The following MID1 variants were observed in gnomAD, a reference collection of about 807,000 sequenced individuals.
MID1 encodes E3 ubiquitin-protein ligase Midline-1.
Under a neutral mutation model 40.4 loss-of-function variants are expected in MID1, and 7 were observed. The observed-to-expected ratio is 0.17, with a 90% CI of 0.10 to 0.33. The LOEUF (loss-of-function observed/expected upper bound fraction) is 0.33. Ranked by LOEUF, MID1 falls within the 10% of genes least tolerant of loss-of-function variation. The pLI is 1.00. For missense variants in MID1, 367 were observed against 558.5 expected (o/e 0.66, Z 3.46); for synonymous variants, 229 against 221.2 (o/e 1.04, Z -0.31).
At chrX:10,481,447 TA>T (rs1209758159) in intron 5 of MID1, among the ~76,000 whole-genome samples, 1 of 111,899 alleles carries the variant, frequency 8.9e-6, no homozygotes, top group Non-Finnish European at 1.9e-5. Context: ...TTCATTTATT[TA>T]TTTTTTTTGG....
At chrX:10,556,329 C>T (rs1275542793) in intron 2 of MID1, among the ~76,000 whole-genome samples, 4 of 111,354 alleles carry the variant, frequency 3.6e-5, no homozygotes, top group Admixed American at 9.6e-5. Flanking sequence ...TCCCCTCCAC[C>T]CCTGCCACCC....
intron 1 of MID1, among the ~76,000 whole-genome samples, chrX:10,660,019 G>T (rs909858997): frequency 8.9e-6 from 1 of 112,151 alleles, no homozygotes; most frequent in African/African-American, 3.2e-5. Context: ...AGTTTTCTGA[G>T]AATGTTCTTA....
At chrX:10,543,545 G>A (rs149394393) in intron 2 of MID1, among the ~76,000 whole-genome samples, 1,348 of 111,338 alleles carry the variant, frequency 0.012, 14 homozygotes, top group Middle Eastern at 0.041. Flanking sequence ...TTCTAGTGAT[G>A]GAGAGATGAA....
intron 7 of MID1, among the ~76,000 whole-genome samples, chrX:10,462,006 TA>T (rs1929072175): frequency 8.9e-6 from 1 of 111,827 alleles, no homozygotes. Context: ...TAACTTGGCC[TA>T]AAATCCAAAG....
In MID1 at chrX:10,567,271, C is replaced by A; in HGVS notation, c.277G>T (p.Gly93Trp). 8.3e-7 allele frequency: 1 copy of A among 1,204,422 alleles called. No homozygotes were observed. Among genetic ancestry groups the A allele is most frequent in the Non-Finnish European group, 1.1e-6 (1 of 890,874 alleles). Residue 93 changes from glycine (G) to tryptophan (W), a missense_variant, in exon 2 of 10, where the codon GGG (glycine) becomes TGG (tryptophan). By Grantham distance (184) the Gly-to-Trp change is radical. Around this residue, in one of 3 missense-constraint regions of MID1, gnomAD observed 78 missense variants for 112.6 expected, o/e 0.69. Transcript: ENST00000317552. ...CGGGTCTCGCTGGGAGAGTTGGGCC[C>A]GCTCACTGATGCTTTCTGGAACCTG... ...IDRFQKASVS[G>W]PNSPSETRRE...
At chrX:10,740,591 C>T (rs990519445) in intron 1 of MID1, among the ~76,000 whole-genome samples, 1 of 112,215 alleles carries the variant, frequency 8.9e-6, no homozygotes, top group African/African-American at 3.2e-5. Flanking sequence ...CATTTACTTG[C>T]AGTATGACTT....
At chrX:10,522,333 G>A (rs1932751343) in intron 3 of MID1, among the ~76,000 whole-genome samples, 1 of 112,100 alleles carries the variant, frequency 8.9e-6, no homozygotes, top group Non-Finnish European at 1.9e-5. Context: ...ACCAGAAAAT[G>A]GGAAGAGGCA....
At chrX:10,724,054 T>C (rs963156809) in intron 1 of MID1, among the ~76,000 whole-genome samples, 17 of 111,455 alleles carry the variant, frequency 1.5e-4, no homozygotes, top group Admixed American at 1.0e-3. Flanking sequence ...GGGAAACATC[T>C]GTTTATTGTT....
At chrX:10,634,115 T>G (rs141569577) in intron 1 of MID1, among the ~76,000 whole-genome samples, 2,907 of 111,111 alleles carry the variant, frequency 0.026, 48 homozygotes, top group African/African-American at 0.057. Context: ...GTAACAAATA[T>G]CCATGAAAGG....
intron 1 of MID1, among the ~76,000 whole-genome samples, chrX:10,662,150 C>T (rs1203145492): frequency 9.1e-6 from 1 of 110,398 alleles, no homozygotes; most frequent in Non-Finnish European, 1.9e-5. Flanking sequence ...ACTAAAAATA[C>T]AAAATTAGCT....
intron 4 of MID1, among the ~76,000 whole-genome samples, chrX:10,494,352 A>C (rs1931116052): frequency 8.9e-6 from 1 of 112,115 alleles, no homozygotes; most frequent in Non-Finnish European, 1.9e-5. Context: ...TTCACTTAAA[A>C]CTTGCTAGTA....
intron 1 of MID1, among the ~76,000 whole-genome samples, chrX:10,724,962 G>C (rs907719936): frequency 1.8e-5 from 2 of 112,143 alleles, no homozygotes; most frequent in African/African-American, 3.2e-5. Flanking sequence ...CAAGATGTCA[G>C]ATGAAACCTG....
At chrX:10,516,560 T>TTG (rs57101806) in intron 3 of MID1, among the ~76,000 whole-genome samples, 1,920 of 73,304 alleles carry the variant, frequency 0.026, 25 homozygotes, top group Middle Eastern at 0.058. Flanking sequence ...TACTCTGCTC[T>TTG]TGTGTGTGTG....
At chrX:10,755,937 C>T (rs999433474) in intron 1 of MID1, among the ~76,000 whole-genome samples, 3 of 111,845 alleles carry the variant, frequency 2.7e-5, no homozygotes, top group African/African-American at 6.5e-5. Context: ...TGTGCTTGCC[C>T]GCCCACATGC....
chrX:10,691,115 C>A (rs763281620), intron 1 of MID1, among the ~76,000 whole-genome samples: 1 of 112,231 alleles, frequency 8.9e-6, no homozygotes, highest in African/African-American at 3.2e-5. Context: ...GAGCCATATA[C>A]AGCATTTCAA....
chrX:10,686,913 ACT>A (rs1166305897), intron 1 of MID1, among the ~76,000 whole-genome samples: 1 of 110,966 alleles, frequency 9.0e-6, no homozygotes, highest in African/African-American at 3.3e-5. Flanking sequence ...GGGTGAAGTG[ACT>A]CTCTATAATT....
intron 4 of MID1, 74 bp from the exon 5 acceptor site, chrX:10,482,702 C>T (rs1930405839): frequency 9.4e-7 from 1 of 1,068,543 alleles, no homozygotes; most frequent in African/African-American, 1.8e-5. Context: ...CAGGCTGGAT[C>T]CTTCATTTTG....
chrX:10,583,956 G>A (rs747595792), intron 1 of MID1, among the ~76,000 whole-genome samples: 6 of 109,869 alleles, frequency 5.5e-5, no homozygotes, highest in East Asian at 2.8e-4. Context: ...GCTTGAACCC[G>A]GGCGGCAGAG....
chrX:10,466,651 T>C (rs1382883566), intron 7 of MID1, among the ~76,000 whole-genome samples: 2 of 111,577 alleles, frequency 1.8e-5, no homozygotes, highest in Non-Finnish European at 1.9e-5. Context: ...CAAATGTCCC[T>C]TAGGGGGCAA....
Sources: gnomAD v4.1 joint callset for allele counts (sites outside exome capture counted in the v4.1 genomes callset) on GRCh38, gnomAD v4.1.1 for gene constraint, gnomAD v4.1.1 regional missense constraint, MANE v1.5 for transcripts, NCBI Gene and HGNC (gene_info 2026-07-23, HGNC 2026-07-21) for gene names.